Variants in CDH13 observed in about 807,000 individuals in gnomAD.
CDH13 encodes cadherin 13.
A neutral mutation model predicts 63.8 loss-of-function variants in CDH13; 24 were observed. That is an observed-to-expected ratio of 0.38 (90% confidence interval 0.27 to 0.53). The LOEUF (loss-of-function observed/expected upper bound fraction) is 0.53, where lower values mean the gene tolerates loss of function less well. CDH13 is among the 20% of genes least tolerant of loss of function. The pLI, the probability that CDH13 is intolerant of heterozygous loss-of-function variation, is 0.85. For missense variants in CDH13, 1,049 were observed against 903.1 expected (o/e 1.16, Z -2.07); for synonymous variants, 503 against 355.3 (o/e 1.42, Z -4.67).
At chr16:82,791,633 G>A (rs1032808813) in intron 1 of CDH13, among the ~76,000 whole-genome samples, 1 of 152,158 alleles carries the variant, frequency 6.6e-6, no homozygotes, top group Non-Finnish European at 1.5e-5. Context: ...GCAGACCCGT[G>A]GCTGACTTCC....
intron 6 of CDH13, among the ~76,000 whole-genome samples, chr16:83,360,238 A>T (rs1484601878): frequency 6.6e-6 from 1 of 152,220 alleles, no homozygotes; most frequent in Non-Finnish European, 1.5e-5. Context: ...GTCTTGAGTT[A>T]TGCAAATTCT....
chr16:82,756,615 G>C (rs974724502), intron 1 of CDH13, among the ~76,000 whole-genome samples: 1 of 152,168 alleles, frequency 6.6e-6, no homozygotes, highest in Non-Finnish European at 1.5e-5. Context: ...GGTTAGCATG[G>C]TGTCAAGCAG....
intron 5 of CDH13, among the ~76,000 whole-genome samples, chr16:83,291,341 C>T (rs2089461416): frequency 6.6e-6 from 1 of 152,062 alleles, no homozygotes; most frequent in South Asian, 2.1e-4. Context: ...TCGCTTTTCT[C>T]ATTCAACTTT....
intron 10 of CDH13, among the ~76,000 whole-genome samples, chr16:83,719,539 C>A (rs1320365990): frequency 6.6e-6 from 1 of 152,144 alleles, no homozygotes; most frequent in African/African-American, 2.4e-5. Context: ...AGCACAACAA[C>A]TAGATTAGTA....
chr16:83,512,826 G>T (rs777703531), intron 7 of CDH13, among the ~76,000 whole-genome samples: 2 of 151,850 alleles, frequency 1.3e-5, no homozygotes, highest in Admixed American at 6.6e-5. Flanking sequence ...ACACATTCTC[G>T]GGCCTCCCCA....
At chr16:83,039,879 C>T (rs2151486313) in intron 3 of CDH13, among the ~76,000 whole-genome samples, 1 of 152,216 alleles carries the variant, frequency 6.6e-6, no homozygotes, top group East Asian at 1.9e-4. Context: ...ATGGTCAGCA[C>T]CATTGATGCT....
intron 1 of CDH13, among the ~76,000 whole-genome samples, chr16:82,798,651 T>C (rs2036703253): frequency 6.6e-6 from 1 of 152,110 alleles, no homozygotes; most frequent in South Asian, 2.1e-4. Flanking sequence ...AGCACAAATG[T>C]CCATAGGAGC....
At chr16:83,721,417 T>C (rs1909675951) in intron 10 of CDH13, 1 of 152,248 alleles carries the variant, frequency 6.6e-6, no homozygotes, top group Admixed American at 6.5e-5. Context: ...GGTTTGCTGT[T>C]TAAAAATATT....
At chr16:82,916,955 C>T (rs558280449) in intron 2 of CDH13, among the ~76,000 whole-genome samples, 53 of 152,224 alleles carry the variant, frequency 3.5e-4, no homozygotes, top group Non-Finnish European at 1.0e-4. Context: ...ATATCCAAAG[C>T]CTTAACAGAG....
At chr16:82,675,536 T>A (rs1220281809) in intron 1 of CDH13, among the ~76,000 whole-genome samples, 1 of 152,224 alleles carries the variant, frequency 6.6e-6, no homozygotes, top group African/African-American at 2.4e-5. Context: ...CAGCACAGTT[T>A]CAAAGCTGCA....
chr16:83,062,025 G>A (rs1011400999), intron 3 of CDH13, among the ~76,000 whole-genome samples: 4 of 152,208 alleles, frequency 2.6e-5, no homozygotes, highest in African/African-American at 7.2e-5. Flanking sequence ...GAAGAGGGAA[G>A]TATTTTAGCA....
intron 4 of CDH13, among the ~76,000 whole-genome samples, chr16:83,191,799 T>C (rs985182902): frequency 2.6e-5 from 4 of 151,902 alleles, no homozygotes; most frequent in Non-Finnish European, 5.9e-5. Context: ...ATTCTAGCCA[T>C]GCTGGCAACT....
At chr16:83,491,107 A>T (rs1264410873) in intron 7 of CDH13, among the ~76,000 whole-genome samples, 1 of 152,218 alleles carries the variant, frequency 6.6e-6, no homozygotes, top group Non-Finnish European at 1.5e-5. Context: ...TTACTTTATT[A>T]TAGGTGAAAG....
At chr16:83,111,658 G>A (rs564524569) in intron 3 of CDH13, among the ~76,000 whole-genome samples, 3 of 152,148 alleles carry the variant, frequency 2.0e-5, no homozygotes, top group Non-Finnish European at 4.4e-5. Flanking sequence ...GAGCACTCAG[G>A]CATTGGATTG....
At chr16:83,752,121 C>A (rs1171492883) in intron 11 of CDH13, among the ~76,000 whole-genome samples, 2 of 152,204 alleles carry the variant, frequency 1.3e-5, no homozygotes, top group African/African-American at 4.8e-5. Flanking sequence ...GTAACAATGG[C>A]AGGGTTCTGT....
intron 3 of CDH13, among the ~76,000 whole-genome samples, chr16:83,102,498 A>G (rs890825224): frequency 2.0e-5 from 3 of 152,168 alleles, no homozygotes; most frequent in Non-Finnish European, 2.9e-5. Flanking sequence ...ACAGGGGCAG[A>G]GTGCAGATGA....
chr16:83,500,309 C>T (rs771862442), intron 7 of CDH13, among the ~76,000 whole-genome samples: 145 of 816 alleles, frequency 0.18, 50 homozygotes, highest in East Asian at 0.9. Flanking sequence ...TCTCCTTCTC[C>T]TTCTCCTTCT....
At chr16:83,701,248 C>T (rs992600371) in intron 10 of CDH13, among the ~76,000 whole-genome samples, 2 of 152,158 alleles carry the variant, frequency 1.3e-5, no homozygotes, top group Admixed American at 1.3e-4. Flanking sequence ...GACTCAGTGT[C>T]AGGATGTTTA....
intron 1 of CDH13, among the ~76,000 whole-genome samples, chr16:82,807,283 C>G (rs1463806573): frequency 1.3e-5 from 2 of 151,528 alleles, no homozygotes; most frequent in African/African-American, 2.4e-5. Context: ...ATTTTTTGTC[C>G]AAAAGACAAA....
Sources: gnomAD v4.1 joint callset for allele counts (sites outside exome capture counted in the v4.1 genomes callset) on GRCh38, gnomAD v4.1.1 for gene constraint, MANE v1.5 for transcripts, NCBI Gene and HGNC (gene_info 2026-07-23, HGNC 2026-07-21) for gene names.